The following AKR1C8 variants were observed in gnomAD, a reference collection of about 807,000 sequenced individuals.
AKR1C8 encodes the protein aldo-keto reductase family 1 member C8.
chr10:5,176,259 C>G, the AKR1C8 span, among the ~76,000 whole-genome samples: 2 of 124,314 alleles, frequency 1.6e-5, no homozygotes, highest in East Asian at 2.0e-4. Context: ...GCTTGTTTTT[C>G]TCAGGTTTGT....
chr10:5,158,455 T>C, the AKR1C8 span: 1 of 359,424 alleles, frequency 2.8e-6, no homozygotes. Context: ...TCAGTAGTGA[T>C]ACATGGGAAC....
the AKR1C8 span, among the ~76,000 whole-genome samples, chr10:5,166,780 T>G: frequency 6.6e-6 from 1 of 151,886 alleles, no homozygotes; most frequent in Non-Finnish European, 1.5e-5. Context: ...AAGCCAAAAT[T>G]GACAAATGGG....
the AKR1C8 span, among the ~76,000 whole-genome samples, chr10:5,136,605 G>C: frequency 1.3e-5 from 2 of 152,116 alleles, no homozygotes; most frequent in Non-Finnish European, 2.9e-5. Context: ...ATTCTCACTT[G>C]TGTAAAATGA....
the AKR1C8 span, among the ~76,000 whole-genome samples, chr10:5,177,717 T>A: frequency 6.6e-6 from 1 of 152,172 alleles, no homozygotes; most frequent in Non-Finnish European, 1.5e-5. Flanking sequence ...GGAGGGTGTA[T>A]GTGTCGAGGA....
At chr10:5,125,096 A>C in the AKR1C8 span, among the ~76,000 whole-genome samples, 1 of 151,934 alleles carries the variant, frequency 6.6e-6, no homozygotes. Context: ...CTTATTTAAC[A>C]TCTCTCATTG....
chr10:5,165,965 G>C, the AKR1C8 span, among the ~76,000 whole-genome samples: 13 of 151,994 alleles, frequency 8.6e-5, no homozygotes, highest in Non-Finnish European at 1.8e-4. Context: ...GCATCCATGG[G>C]TGACTCCTAT....
At chr10:5,179,396 C>T in the AKR1C8 span, among the ~76,000 whole-genome samples, 1 of 152,172 alleles carries the variant, frequency 6.6e-6, no homozygotes, top group African/African-American at 2.4e-5. Flanking sequence ...ACCTTTCTCT[C>T]TGGCTGCCCT....
chr10:5,160,507 A>T, the AKR1C8 span, among the ~76,000 whole-genome samples: 2 of 152,158 alleles, frequency 1.3e-5, no homozygotes, highest in South Asian at 2.1e-4. Context: ...CTATCCAAAG[A>T]TAACATGCTG....
chr10:5,177,899 T>G, the AKR1C8 span, among the ~76,000 whole-genome samples: 1 of 152,358 alleles, frequency 6.6e-6, no homozygotes, highest in East Asian at 1.9e-4. Flanking sequence ...GCTAGTGGTC[T>G]ATAAATTTTG....
At chr10:5,164,664 C>T in the AKR1C8 span, among the ~76,000 whole-genome samples, 3 of 152,112 alleles carry the variant, frequency 2.0e-5, no homozygotes, top group Middle Eastern at 3.2e-3. Context: ...AAGAGGACTT[C>T]GTCAATGCCC....
chr10:5,152,315 A>G, the AKR1C8 span, among the ~76,000 whole-genome samples: 8 of 152,204 alleles, frequency 5.3e-5, no homozygotes, highest in Non-Finnish European at 1.2e-4. Flanking sequence ...TGTTTGCTTG[A>G]ATCATACATA....
the AKR1C8 span, among the ~76,000 whole-genome samples, chr10:5,178,991 A>G: frequency 6.6e-6 from 1 of 152,132 alleles, no homozygotes; most frequent in African/African-American, 2.4e-5. Context: ...TAAAGTTAAT[A>G]TTATTATGTT....
the AKR1C8 span, among the ~76,000 whole-genome samples, chr10:5,134,940 G>C: frequency 2.0e-5 from 3 of 152,264 alleles, no homozygotes; most frequent in Admixed American, 6.5e-5. Context: ...AAAGTAAGCA[G>C]TACACGACCA....
the AKR1C8 span, among the ~76,000 whole-genome samples, chr10:5,174,943 A>T: frequency 6.6e-6 from 1 of 152,072 alleles, no homozygotes; most frequent in Non-Finnish European, 1.5e-5. Flanking sequence ...TAAATCGAAC[A>T]TTGAAATAAA....
chr10:5,129,647 T>C, the AKR1C8 span, among the ~76,000 whole-genome samples: 1 of 152,008 alleles, frequency 6.6e-6, no homozygotes, highest in East Asian at 1.9e-4. Context: ...AACACCTTTA[T>C]GTGCACAAAC....
the AKR1C8 span, among the ~76,000 whole-genome samples, chr10:5,145,924 A>G: frequency 6.6e-6 from 1 of 152,026 alleles, no homozygotes; most frequent in Non-Finnish European, 1.5e-5. Context: ...CACTATTCAC[A>G]ATAGCAAAGA....
the AKR1C8 span, among the ~76,000 whole-genome samples, chr10:5,174,552 A>G: frequency 2.0e-5 from 3 of 152,184 alleles, no homozygotes; most frequent in South Asian, 6.2e-4. Context: ...ACAATTAATA[A>G]GACCTGAGGA....
At chr10:5,184,595 G>A in the AKR1C8 span, among the ~76,000 whole-genome samples, 1 of 152,094 alleles carries the variant, frequency 6.6e-6, no homozygotes, top group Admixed American at 6.5e-5. Context: ...GAGTGGCTCT[G>A]ACCAGAGCAA....
At chr10:5,165,402 T>C in the AKR1C8 span, among the ~76,000 whole-genome samples, 1 of 152,150 alleles carries the variant, frequency 6.6e-6, no homozygotes, top group African/African-American at 2.4e-5. Context: ...GGATAGGATT[T>C]TTTCTCCATG....
Sources: allele counts gnomAD v4.1 joint callset (sites outside exome capture counted in the v4.1 genomes callset), GRCh38; gene constraint gnomAD v4.1.1; transcripts MANE v1.5; gene names NCBI Gene and HGNC (gene_info 2026-07-23, HGNC 2026-07-21).